RGS6: variants seen among roughly 807,000 people sequenced by gnomAD.
The protein encoded by RGS6 is regulator of G protein signaling 6, also known as regulator of G-protein signaling 6.
In RGS6, 30 loss-of-function variants were observed where a neutral mutation model predicts 78.5. The ratio of observed to expected loss-of-function variants is 0.38; its 90% confidence interval spans 0.29 to 0.52. RGS6 has a LOEUF of 0.52. Among genes scored for constraint, RGS6 ranks in the 20% least tolerant of loss-of-function variants. The probability of loss-of-function intolerance (pLI) is 0.85; values close to 1 mark genes in which losing one functional copy is unlikely to be tolerated. For missense variants in RGS6, 495 were observed against 609.7 expected (o/e 0.81, Z 1.98); for synonymous variants, 206 against 206.0 (o/e 1.00, Z 0.00).
rs560904885 is a variant in RGS6, at chr14:72,157,890, C to T, written c.84+193015C>T. 4.3e-4 allele frequency among the ~76,000 whole-genome samples: 65 copies of T among 151,954 alleles called. 1 individual carries two copies. Among genetic ancestry groups the T allele is most frequent in the Non-Finnish European group, 8.4e-4 (57 of 67,978 alleles). On this transcript the variant is annotated intron_variant, in intron 2 of 17. Coordinates refer to ENST00000553525, the MANE Select transcript of RGS6 (RefSeq NM_001204424.2). ...TACATTCTGGGATACATGTGCAGAACGTGCAGGTTTGTTACATAGGTATAC... is the reference window on the plus strand; with the variant it reads ...TACATTCTGGGATACATGTGCAGAATGTGCAGGTTTGTTACATAGGTATAC...
intron 2 of RGS6, among the ~76,000 whole-genome samples, chr14:72,126,288 A>G (rs2096190354): frequency 6.6e-6 from 1 of 152,238 alleles, no homozygotes; most frequent in African/African-American, 2.4e-5. Flanking sequence ...CCAACCAGCT[A>G]GCAGGGACCT....
Position 72,562,461 on chromosome 14 carries a change from C to T in RGS6, c.1467C>T (p.Ser489=). The T allele has an allele frequency of 6.2e-7, 1 of 1,612,718 alleles. No individual in the cohort carries two copies. The highest frequency in any genetic ancestry group is 1.3e-5 in the African/African-American group (1 of 75,080). The change falls in exon 18 of 18, where the codon TCC becomes TCT. Residue 489 remains serine, a synonymous_variant. Transcript: ENST00000553525. ...AGCGCCTCACGGGCCTGATGCAGTC[C>T]TCCTGACCGTTCCTACCGCAGGTCC... ...AGKRLTGLMQ[S]S
intron 2 of RGS6, among the ~76,000 whole-genome samples, chr14:72,153,106 T>G (rs916747797): frequency 3.9e-5 from 6 of 152,114 alleles, no homozygotes; most frequent in African/African-American, 1.2e-4. Flanking sequence ...GGCTGTCTCA[T>G]TATGAATGGG....
intron 2 of RGS6, among the ~76,000 whole-genome samples, chr14:72,159,689 C>G (rs559666917): frequency 5.3e-5 from 8 of 152,138 alleles, no homozygotes; most frequent in Non-Finnish European, 1.2e-4. Context: ...CACATATGGC[C>G]TGTGATTTTT....
chr14:72,137,026 A>G (rs780282707), intron 2 of RGS6, among the ~76,000 whole-genome samples: 3 of 152,160 alleles, frequency 2.0e-5, no homozygotes, highest in Non-Finnish European at 4.4e-5. Flanking sequence ...GCCCCTCTCT[A>G]TAATCCCAAT....
intron 2 of RGS6, among the ~76,000 whole-genome samples, chr14:72,112,210 C>A (rs1382058758): frequency 6.6e-6 from 1 of 152,200 alleles, no homozygotes; most frequent in African/African-American, 2.4e-5. Flanking sequence ...CAGCACCTCA[C>A]CCTCTCCAAC....
intron 10 of RGS6, among the ~76,000 whole-genome samples, chr14:72,475,350 A>G (rs1345896448): frequency 2.6e-5 from 4 of 151,298 alleles, no homozygotes; most frequent in Non-Finnish European, 5.9e-5. Flanking sequence ...CCATGCTCAG[A>G]CTCCCCCACG....
intron 6 of RGS6, 144 bp from the exon 7 acceptor site, chr14:72,465,614 G>T (rs1175846614): frequency 1.8e-6 from 1 of 569,884 alleles, no homozygotes; most frequent in South Asian, 2.0e-5. Flanking sequence ...GGGTGGATGG[G>T]TGGATGGGTG....
chr14:72,139,593 G>A (rs2096506188), intron 2 of RGS6, among the ~76,000 whole-genome samples: 1 of 152,198 alleles, frequency 6.6e-6, no homozygotes, highest in Admixed American at 6.5e-5. Flanking sequence ...TGTTTGCACT[G>A]AGCATTAAAA....
intron 2 of RGS6, among the ~76,000 whole-genome samples, chr14:72,324,235 AAAAT>A (rs2152533548): frequency 6.6e-6 from 1 of 152,344 alleles, no homozygotes; most frequent in Non-Finnish European, 1.5e-5. Flanking sequence ...TATCAATAAA[AAAAT>A]CAGTCTATTC....
At chr14:72,594,800 C>G in the RGS6 span, 1 of 152,164 alleles carries the variant, frequency 6.6e-6, no homozygotes, top group Non-Finnish European at 1.5e-5. Flanking sequence ...AGAGTCATCC[C>G]GTGCAGAAAA....
chr14:72,030,811 A>T (rs966457645), intron 2 of RGS6, among the ~76,000 whole-genome samples: 2 of 152,220 alleles, frequency 1.3e-5, no homozygotes, highest in East Asian at 3.8e-4. Flanking sequence ...CTTTACAGCC[A>T]AAAGTAAAGT....
At chr14:71,993,189 C>G (rs891185208) in intron 2 of RGS6, among the ~76,000 whole-genome samples, 1 of 152,198 alleles carries the variant, frequency 6.6e-6, no homozygotes, top group Non-Finnish European at 1.5e-5. Context: ...TGTTGGGGAA[C>G]TTGTCCCTTT....
the RGS6 span, among the ~76,000 whole-genome samples, chr14:72,581,197 C>T: frequency 2.3e-3 from 355 of 152,212 alleles, 3 homozygotes; most frequent in African/African-American, 8.1e-3. Flanking sequence ...TGGATCTGGG[C>T]CTTCTTCTTT....
At chr14:71,879,053 C>G in the RGS6 span, among the ~76,000 whole-genome samples, 2 of 151,962 alleles carry the variant, frequency 1.3e-5, no homozygotes, top group Admixed American at 6.6e-5. Context: ...CCCACAGCAC[C>G]CTTACCTGGG....
intron 2 of RGS6, among the ~76,000 whole-genome samples, chr14:72,010,705 G>C (rs1441401593): frequency 1.3e-5 from 2 of 152,124 alleles, no homozygotes; most frequent in African/African-American, 4.8e-5. Flanking sequence ...AATAAATCAG[G>C]GGAGGAAGAT....
intron 2 of RGS6, among the ~76,000 whole-genome samples, chr14:72,154,099 C>T (rs760088386): frequency 7.2e-5 from 11 of 152,128 alleles, no homozygotes; most frequent in Non-Finnish European, 1.5e-4. Context: ...ATATTCCTTG[C>T]TAGGAAAATA....
At chr14:72,110,566 TC>T (rs1413385579) in intron 2 of RGS6, among the ~76,000 whole-genome samples, 1 of 152,132 alleles carries the variant, frequency 6.6e-6, no homozygotes, top group African/African-American at 2.4e-5. Flanking sequence ...TCCTTTCCAT[TC>T]CCCTCTCTAC....
At chr14:72,037,310 A>G (rs2091853109) in intron 2 of RGS6, among the ~76,000 whole-genome samples, 1 of 152,152 alleles carries the variant, frequency 6.6e-6, no homozygotes, top group Non-Finnish European at 1.5e-5. Context: ...TTCACTCTTC[A>G]CAATAAATCT....
Sources: allele counts gnomAD v4.1 joint callset (sites outside exome capture counted in the v4.1 genomes callset), GRCh38; gene constraint gnomAD v4.1.1; transcripts MANE v1.5; gene names NCBI Gene and HGNC (gene_info 2026-07-23, HGNC 2026-07-21).